KIAA1586: variants seen among roughly 807,000 people sequenced by gnomAD.
KIAA1586 encodes the protein E3 SUMO-protein ligase KIAA1586.
Under a neutral mutation model 6.1 loss-of-function variants are expected in KIAA1586, and 5 were observed. That is an observed-to-expected ratio of 0.82 (90% CI 0.43 to 1.73). The LOEUF is 1.73. Among genes scored for constraint, KIAA1586 ranks in the 40% most tolerant of loss-of-function variants. The probability of loss-of-function intolerance (pLI) is 0.02; values close to 1 mark genes in which losing one functional copy is unlikely to be tolerated. For missense variants in KIAA1586, 899 were observed against 878.2 expected (o/e 1.02, Z -0.30); for synonymous variants, 280 against 301.7 (o/e 0.93, Z 0.75).
chr6:57,054,901 A>G lies in KIAA1586; in HGVS notation c.*38A>G, dbSNP rs1593052092. The G allele has an allele frequency of 3.3e-6, 5 of 1,492,664 alleles. No individual in the cohort carries two copies. The highest frequency in any genetic ancestry group is 1.4e-5 in the African/African-American group (1 of 70,860). 92.5% of individuals were successfully genotyped at this position (1,492,664 alleles called of 1,614,324 possible). A position where few individuals can be genotyped will look rare whatever the true frequency, so the allele number is the denominator to read the frequency against. Reference sequence around the variant, plus strand: ...GTTTTTTGTCATCTGTAAATTATGTACTACACATCCTTTATATACATAAAG... The same window carrying G: ...GTTTTTTGTCATCTGTAAATTATGTGCTACACATCCTTTATATACATAAAG... On this transcript the variant is annotated 3_prime_UTR_variant, in exon 4 of 4. Coordinates refer to ENST00000370733, the MANE Select transcript of KIAA1586 (RefSeq NM_020931.4).
At chr6:57,060,446 A>T in the KIAA1586 span, among the ~76,000 whole-genome samples, 1 of 152,208 alleles carries the variant, frequency 6.6e-6, no homozygotes, top group Admixed American at 6.5e-5. Context: ...TTTACCTTTC[A>T]TAGCTTCTGT....
chr6:57,054,317 A>G lies in KIAA1586; in HGVS notation c.1818A>G (p.Leu606=). The part of the protein sequence containing the change: ...NKFNALPRSI[L]LDNIIQHMNL... ...TTAATGCTCTTCCTAGGAGTATATT[A>G]CTAGACAATATAATTCAGCACATGA... is the stretch of plus-strand genomic sequence containing the variant. The change falls in exon 4 of 4, where the codon TTA becomes TTG. Residue 606 remains leucine, a synonymous_variant. Transcript: ENST00000370733. 4.4e-6 allele frequency: 7 copies of G among 1,587,152 alleles called. No homozygotes were observed. The highest frequency in any genetic ancestry group is 5.1e-6 in the Non-Finnish European group (6 of 1,169,372).
At chr6:57,057,181 T>G (rs1204829248), downstream of KIAA1586, among the ~76,000 whole-genome samples, 4 of 149,704 alleles carry the variant, frequency 2.7e-5, no homozygotes, top group Non-Finnish European at 5.9e-5. Context: ...TGAGCAGAGA[T>G]CACACCACTG....
rs1050477582 is a variant in KIAA1586, at chr6:57,053,537, G to A, written c.1038G>A (p.Met346Ile). 6.2e-7 allele frequency: 1 copy of A among 1,613,432 alleles called. No individual in the cohort carries two copies. Among genetic ancestry groups the A allele is most frequent in the Non-Finnish European group, 8.5e-7 (1 of 1,179,676 alleles). The change falls in exon 4 of 4, where the codon ATG becomes ATA. Residue 346 changes from methionine to isoleucine, a missense_variant. By Grantham distance (10) the Met-to-Ile change is conservative. Coordinates refer to ENST00000370733, the MANE Select transcript of KIAA1586 (RefSeq NM_020931.4). ...CTIQSAPAPV[M>I]LFVALKELVS... is the part of the protein sequence containing the mutation. ...TTCAGTCAGCTCCTGCACCTGTTAT[G>A]TTATTTGTGGCTTTAAAAGAATTGG...
the KIAA1586 span, among the ~76,000 whole-genome samples, chr6:57,062,944 A>G: frequency 6.6e-6 from 1 of 152,020 alleles, no homozygotes. Flanking sequence ...CCATCCATCT[A>G]CTTAGGAGGC....
chr6:57,061,125 G>A, the KIAA1586 span, among the ~76,000 whole-genome samples: 57 of 151,144 alleles, frequency 3.8e-4, no homozygotes, highest in African/African-American at 1.3e-3. Context: ...TTACAGGCAC[G>A]TGCCACCATG....
the KIAA1586 span, among the ~76,000 whole-genome samples, chr6:57,062,422 T>A: frequency 6.6e-6 from 1 of 152,230 alleles, no homozygotes; most frequent in Non-Finnish European, 1.5e-5. Context: ...ATCAATATAA[T>A]TTTTAGGATT....
At chr6:57,056,267 T>C (rs1828496534), downstream of KIAA1586, among the ~76,000 whole-genome samples, 1 of 151,406 alleles carries the variant, frequency 6.6e-6, no homozygotes, top group Non-Finnish European at 1.5e-5. Flanking sequence ...AGTACAGTGG[T>C]GCAATCTCGG....
At chr6:57,046,905 C>G (rs1312528056) in intron 1 of KIAA1586, 129 bp downstream of exon 1, 6 of 1,302,356 alleles carry the variant, frequency 4.6e-6, no homozygotes, top group Admixed American at 2.3e-5. Context: ...TTGGGCCGAG[C>G]CCAGCTCTGG....
At position 57,048,303 on chromosome 6, in the gene KIAA1586, A is replaced by C. The variant is rs1019186551; in HGVS notation, c.105+907A>C. Among the ~76,000 whole-genome samples, 14 of 152,240 alleles carry C rather than the reference A, an allele frequency of 9.2e-5. 1 individual carries two copies. The highest frequency in any genetic ancestry group is 5.9e-4 in the Admixed American group (9 of 15,294). ...TTTTCTTTAATGGAGTGTCTGTCTA[A>C]TGTTTCTGTGTTTTTTAGTTTTTGT... On this transcript the variant is annotated intron_variant, in intron 2 of 3. Transcript: ENST00000370733.
rs1353062923 is a variant in KIAA1586 at position 57,052,901 on chromosome 6, A to C, written c.402A>C (p.Pro134=). The C allele has an allele frequency of 6.2e-7, 1 of 1,612,662 alleles. No homozygotes were observed. The highest frequency in any genetic ancestry group is 2.2e-5 in the East Asian group (1 of 44,842). The change falls in exon 4 of 4, where the codon CCA becomes CCC. Residue 134 remains proline (P), a synonymous_variant. Coordinates refer to ENST00000370733, the MANE Select transcript of KIAA1586 (RefSeq NM_020931.4). ...SKKEIDNLVL[P]DCWNEKQAFM... ...AAGAAATAGATAATCTTGTGCTTCCAGATTGTTGGAATGAAAAACAAGCAT... is the reference window on the plus strand; with the variant it reads ...AAGAAATAGATAATCTTGTGCTTCCCGATTGTTGGAATGAAAAACAAGCAT...
chr6:57,049,621 A>G (rs932091512), intron 2 of KIAA1586, among the ~76,000 whole-genome samples: 14 of 152,190 alleles, frequency 9.2e-5, no homozygotes, highest in African/African-American at 3.1e-4. Context: ...TATAGTACCT[A>G]TACAGGGAAG....
In KIAA1586 at chr6:57,054,152, G is replaced by C. The variant is rs748858905; in HGVS notation, c.1653G>C (p.Lys551Asn). 4 of 1,587,608 alleles carry C rather than the reference G, an allele frequency of 2.5e-6. No homozygotes were observed. The African/African-American group carries it at 5.5e-5, about 22-fold the overall frequency. Residue 551 changes from lysine (K) to asparagine (N), a missense_variant, in exon 4 of 4, where the codon AAG becomes AAC. Lys to Asn is a moderately conservative substitution (Grantham distance 94). Transcript: ENST00000370733. ...TALQSRSTNIKKAQKLIKRTI... is the reference protein window; with the variant it reads ...TALQSRSTNINKAQKLIKRTI... ...TACAGTCAAGATCAACTAATATTAA[G>C]AAAGCACAAAAATTGATCAAACGTA...
the KIAA1586 span, among the ~76,000 whole-genome samples, chr6:57,061,189 G>T: frequency 2.0e-5 from 3 of 149,140 alleles, no homozygotes; most frequent in East Asian, 6.1e-4. Context: ...TGTTGGCCAG[G>T]CTGGTCTCAA....
chr6:57,063,450 C>CTTTTTTTTTTTTTTTTTTT, the KIAA1586 span, among the ~76,000 whole-genome samples: 5 of 102,568 alleles, frequency 4.9e-5, 1 homozygote, highest in African/African-American at 3.9e-5. Context: ...TATGTTATTT[C>CTTTTTTTTTTTTTTTTTTT]TTTTTTTTTT....
downstream of KIAA1586, among the ~76,000 whole-genome samples, chr6:57,059,801 C>A (rs1193295202): frequency 6.6e-6 from 1 of 152,138 alleles, no homozygotes; most frequent in African/African-American, 2.4e-5. Flanking sequence ...TGAATTTATT[C>A]ATCTCTCATC....
rs369976235 is a variant in KIAA1586, at chr6:57,054,567, A to G, written c.2068A>G (p.Ile690Val). 2 of 1,608,742 alleles carry G rather than the reference A, an allele frequency of 1.2e-6. No individual in the cohort carries two copies. The highest frequency in any genetic ancestry group is 2.2e-5 in the East Asian group (1 of 44,740). ...KSNNVSIPTT[I>V]YKAKKIVSTI... ...AAACAATGTTTCAATTCCTACAACTATATACAAAGCTAAAAAGATAGTTAG... is the reference window on the plus strand; with the variant it reads ...AAACAATGTTTCAATTCCTACAACTGTATACAAAGCTAAAAAGATAGTTAG... The change falls in exon 4 of 4, where the codon ATA becomes GTA. Residue 690 changes from isoleucine (I) to valine (V), a missense_variant. Ile to Val is a conservative substitution (Grantham distance 29). Coordinates refer to ENST00000370733, the MANE Select transcript of KIAA1586 (RefSeq NM_020931.4).
At chr6:57,066,115 G>GAAAAAA in the KIAA1586 span, among the ~76,000 whole-genome samples, 1 of 132,280 alleles carries the variant, frequency 7.6e-6, no homozygotes, top group Non-Finnish European at 1.6e-5. Flanking sequence ...TGTCTCTACT[G>GAAAAAA]AAAAAAAAAA....
In KIAA1586 at chr6:57,053,731, C is replaced by T; in HGVS notation, c.1232C>T (p.Pro411Leu). ...GVATKLLENF[P>L]EIIIWNCLNH... is the part of the protein sequence containing the mutation. ...GCTACAAAATTGTTAGAAAATTTTC[C>T]TGAAATCATCATTTGGAACTGTTTA... is the stretch of plus-strand genomic sequence containing the variant. The change falls in exon 4 of 4, where the codon CCT becomes CTT. Residue 411 changes from proline (P) to leucine (L), a missense_variant. Transcript: ENST00000370733. 1.2e-6 allele frequency: 2 copies of T among 1,610,376 alleles called. No individual in the cohort carries two copies. The highest frequency in any genetic ancestry group is 1.7e-6 in the Non-Finnish European group (2 of 1,177,482).
Sources: gnomAD v4.1 joint callset for allele counts (sites outside exome capture counted in the v4.1 genomes callset) on GRCh38, gnomAD v4.1.1 for gene constraint, MANE v1.5 for transcripts, NCBI Gene and HGNC (gene_info 2026-07-23, HGNC 2026-07-21) for gene names.